The following MDGA2 variants were observed in gnomAD, a reference collection of about 807,000 sequenced individuals.
MDGA2 encodes the protein MAM domain-containing glycosylphosphatidylinositol anchor protein 2.
In MDGA2, 40 loss-of-function variants were observed where a neutral mutation model predicts 117.8. That is an observed-to-expected ratio of 0.34 (90% CI 0.26 to 0.44). The LOEUF (loss-of-function observed/expected upper bound fraction) is 0.44. Ranked by LOEUF, MDGA2 falls within the 20% of genes least tolerant of loss-of-function variation. The pLI, the probability that MDGA2 is intolerant of heterozygous loss-of-function variation, is 1.00. For synonymous variants in MDGA2, 452 were observed against 439.0 expected, an observed-to-expected ratio of 1.03 and a Z score of -0.37; for missense variants, 1,123 against 1,250.6, an observed-to-expected ratio of 0.90 and a Z score of 1.54.
At position 47,224,288 on chromosome 14, in the gene MDGA2, T is replaced by TAGATATAGATATAGATATAGATAC. The variant is rs1319295766; in HGVS notation, c.421-6094_421-6093insGTATCTATATCTATATCTATATCT. ...ATTCAATTCCCAATAGAGTCTGATATAGATATAGATATAGATATAGATATA... is the reference window on the plus strand; with the variant it reads ...ATTCAATTCCCAATAGAGTCTGATATAGATATAGATATAGATATAGATACAGATATAGATATAGATATAGATATA... On this transcript the variant is annotated intron_variant, in intron 2 of 16. Transcript: ENST00000399232. 2.7e-3 allele frequency among the ~76,000 whole-genome samples: 354 copies of TAGATATAGATATAGATATAGATAC among 130,324 alleles called. 2 individuals are homozygous for TAGATATAGATATAGATATAGATAC. The highest frequency in any genetic ancestry group is 3.8e-3 in the Non-Finnish European group (225 of 58,666). The allele number at this position is 130,324 out of a possible 152,430, so 85.5% of individuals were successfully genotyped here.
rs539281852 is a variant in MDGA2, at chr14:47,324,456, T to A, written c.281-22906A>T. On this transcript the variant is annotated intron_variant, in intron 1 of 16. Transcript: ENST00000399232. ...AAAGTTACCTTCCATTTAGAGAAAC[T>A]CAGAACTTTTTTTTCTTTGGTAAAA... is the stretch of plus-strand genomic sequence containing the variant. Among the ~76,000 whole-genome samples, 32 of 152,254 alleles carry A rather than the reference T, an allele frequency of 2.1e-4. No individual in the cohort carries two copies. The South Asian group carries it at 6.2e-3, about 30-fold the overall frequency.
intron 14 of MDGA2, among the ~76,000 whole-genome samples, chr14:46,856,966 G>A (rs1881292820): frequency 6.6e-6 from 1 of 151,990 alleles, no homozygotes; most frequent in South Asian, 2.1e-4. Context: ...CCCTTCAGAT[G>A]TTCCACTATT....
At chr14:47,279,781 T>C (rs1888417182) in intron 2 of MDGA2, among the ~76,000 whole-genome samples, 1 of 152,114 alleles carries the variant, frequency 6.6e-6, no homozygotes, top group Admixed American at 6.6e-5. Flanking sequence ...ACTTTTTCTT[T>C]TTTAAAAAAT....
At chr14:47,127,491 G>T (rs1367586817) in intron 5 of MDGA2, among the ~76,000 whole-genome samples, 2 of 152,088 alleles carry the variant, frequency 1.3e-5, no homozygotes, top group African/African-American at 4.8e-5. Context: ...GTTTGAATGT[G>T]TAAAGTATGA....
intron 7 of MDGA2, among the ~76,000 whole-genome samples, chr14:47,051,040 C>A (rs548730100): frequency 6.6e-6 from 1 of 151,974 alleles, no homozygotes; most frequent in South Asian, 2.1e-4. Flanking sequence ...TCTTGCAAGG[C>A]CTTTGTCAAA....
chr14:47,369,337 G>T (rs1405607902), intron 1 of MDGA2, among the ~76,000 whole-genome samples: 1 of 151,912 alleles, frequency 6.6e-6, no homozygotes, highest in Non-Finnish European at 1.5e-5. Flanking sequence ...CAGAGATGAA[G>T]ATCTTTGTAC....
chr14:47,457,317 G>A (rs915791187), intron 1 of MDGA2, among the ~76,000 whole-genome samples: 2 of 152,056 alleles, frequency 1.3e-5, no homozygotes, highest in African/African-American at 4.8e-5. Context: ...TGTTAGACAG[G>A]TATACTGCTT....
intron 15 of MDGA2, among the ~76,000 whole-genome samples, chr14:46,854,536 A>G (rs1480893279): frequency 1.3e-5 from 2 of 151,712 alleles, no homozygotes; most frequent in Non-Finnish European, 3.0e-5. Flanking sequence ...CTATATAGAA[A>G]CAAAGAAAAA....
chr14:47,307,061 T>C, intron 1 of MDGA2, among the ~76,000 whole-genome samples: 1 of 152,346 alleles, frequency 6.6e-6, no homozygotes, highest in Non-Finnish European at 1.5e-5. Context: ...CATAAAACAC[T>C]TCTCAGTTTT....
intron 5 of MDGA2, among the ~76,000 whole-genome samples, chr14:47,106,346 C>G (rs893081451): frequency 6.6e-6 from 1 of 152,010 alleles, no homozygotes; most frequent in East Asian, 2.0e-4. Flanking sequence ...TTCCTTGCCT[C>G]CATTGTGAGA....
intron 1 of MDGA2, among the ~76,000 whole-genome samples, chr14:47,317,297 T>C (rs1171370382): frequency 1.3e-5 from 2 of 152,148 alleles, no homozygotes; most frequent in Non-Finnish European, 2.9e-5. Context: ...ATCACATAAT[T>C]CAATTCTGGA....
At chr14:46,865,339 A>T (rs1363196733) in intron 14 of MDGA2, among the ~76,000 whole-genome samples, 8 of 152,160 alleles carry the variant, frequency 5.3e-5, no homozygotes, top group South Asian at 2.1e-4. Flanking sequence ...AAAATTCAAC[A>T]ACGCTTCATG....
Position 47,247,306 on chromosome 14 carries a change from A to AT in MDGA2, c.421-29112dup, listed in dbSNP as rs11312463. Among the ~76,000 whole-genome samples the AT allele has an allele frequency of 7.2e-3, 1,006 of 140,408 alleles. 8 individuals carry two copies. The highest frequency in any genetic ancestry group is 0.016 in the African/African-American group (628 of 38,108). The allele number at this position is 140,408 out of a possible 152,430, so 92.1% of individuals were successfully genotyped here. A position where few individuals can be genotyped will look rare whatever the true frequency, so the allele number is the denominator to read the frequency against. On this transcript the variant is annotated intron_variant, in intron 2 of 16. Transcript: ENST00000399232. ...TCCCATAGTGCTGATATAGTTTCAT[A>AT]TTTTTTTTTTTTTTTTGAGACAGGG... is the stretch of plus-strand genomic sequence containing the variant.
rs535529500 is a variant in MDGA2, at chr14:46,848,725, C to T, written c.2884-2854G>A. Among the ~76,000 whole-genome samples, 12 of 151,156 alleles carry T rather than the reference C, an allele frequency of 7.9e-5. No homozygotes were observed. In the South Asian group the frequency reaches 1.7e-3, roughly 21 times the overall value. ...TTGTAGTCAGATTGAGAGACTGTGTCGGGAAACCATCTGTAGTAAACATCA... is the reference window on the plus strand; with the variant it reads ...TTGTAGTCAGATTGAGAGACTGTGTTGGGAAACCATCTGTAGTAAACATCA... On this transcript the variant is annotated intron_variant, in intron 15 of 16. Coordinates refer to ENST00000399232, the MANE Select transcript of MDGA2 (RefSeq NM_001113498.3).
At chr14:46,870,543 G>T (rs1389379338) in intron 14 of MDGA2, among the ~76,000 whole-genome samples, 1 of 151,930 alleles carries the variant, frequency 6.6e-6, no homozygotes, top group Non-Finnish European at 1.5e-5. Context: ...CTCAATGTCT[G>T]GACCAGGTAT....
chr14:47,294,271 T>G (rs1888988474), intron 2 of MDGA2, among the ~76,000 whole-genome samples: 1 of 151,978 alleles, frequency 6.6e-6, no homozygotes, highest in Non-Finnish European at 1.5e-5. Context: ...AATTTTTTTA[T>G]TTCTTTGTAA....
intron 1 of MDGA2, among the ~76,000 whole-genome samples, chr14:47,322,031 T>C (rs572251335): frequency 1.3e-5 from 2 of 152,250 alleles, no homozygotes; most frequent in East Asian, 1.9e-4. Context: ...TCTTTAAAAA[T>C]ACTCAACTTC....
chr14:47,025,632 A>C (rs1172028330), intron 8 of MDGA2, among the ~76,000 whole-genome samples: 1 of 151,974 alleles, frequency 6.6e-6, no homozygotes, highest in East Asian at 1.9e-4. Flanking sequence ...AGGACATATT[A>C]CTGGAATCTA....
At chr14:46,899,713 T>C (rs1158560132) in intron 10 of MDGA2, among the ~76,000 whole-genome samples, 1 of 152,066 alleles carries the variant, frequency 6.6e-6, no homozygotes, top group East Asian at 1.9e-4. Context: ...ACAGAAGTGA[T>C]TTTGTAAGTT....
Sources: allele counts gnomAD v4.1 joint callset (sites outside exome capture counted in the v4.1 genomes callset), GRCh38; gene constraint gnomAD v4.1.1; transcripts MANE v1.5; gene names NCBI Gene and HGNC (gene_info 2026-07-23, HGNC 2026-07-21).